The following SULT1A2 variants were observed in gnomAD, a reference collection of about 807,000 sequenced individuals.
SULT1A2 encodes sulfotransferase family 1A member 2.
SULT1A2 carries 33 observed loss-of-function variants against 36.0 expected under a neutral mutation model. The observed-to-expected ratio is 0.92, with a 90% CI of 0.69 to 1.22. The LOEUF (loss-of-function observed/expected upper bound fraction) is 1.22. SULT1A2 is among the 50% of genes most tolerant of loss of function. The pLI is 0.00. For missense variants in SULT1A2, 367 were observed against 383.2 expected (o/e 0.96, Z 0.35); for synonymous variants, 138 against 144.5 (o/e 0.96, Z 0.32).
At position 28,592,358 on chromosome 16, in the gene SULT1A2, G is replaced by C; in HGVS notation, c.680C>G (p.Thr227Arg). 1.2e-6 allele frequency: 2 copies of C among 1,614,034 alleles called. No homozygotes were observed. Among genetic ancestry groups the C allele is most frequent in the Non-Finnish European group, 1.7e-6 (2 of 1,179,890 alleles). The change falls in exon 7 of 8, where the codon ACG (threonine) becomes AGG (arginine). Residue 227 changes from threonine to arginine, a missense_variant. Coordinates refer to ENST00000335715, the MANE Select transcript of SULT1A2 (RefSeq NM_001054.4). ...EETVDLMVEH[T>R]SFKEMKKNPM... ...GTTCTTCTTCATCTCCTTGAACGAC[G>C]TGTGCTCAACCATGAGGTCCACAGT...
chr16:28,592,440 G>C lies in SULT1A2; in HGVS notation c.598C>G (p.Pro200Ala), dbSNP rs2047005524. Residue 200 changes from proline (P) to alanine (A), a missense_variant, in exon 7 of 8, where the codon CCC becomes GCC. Physicochemically the swap from Pro to Ala is conservative, Grantham distance 27. Coordinates refer to ENST00000335715, the MANE Select transcript of SULT1A2 (RefSeq NM_001054.4). ...AGGATCTTTTGAATCTCCCTTTTGG[G>C]GTTCTGAGCAGCAGAGGGCTCCTCA... ...YLFYEDMKEN[P>A]KREIQKILEF... The C allele has an allele frequency of 1.2e-6, 2 of 1,614,056 alleles. No individual in the cohort carries two copies. The highest frequency in any genetic ancestry group is 1.3e-5 in the African/African-American group (1 of 74,912).
Position 28,595,887 on chromosome 16 carries a change from A to C in SULT1A2, c.44T>G (p.Val15Gly). 6.2e-7 allele frequency: 1 copy of C among 1,609,634 alleles called. No homozygotes were observed. Among genetic ancestry groups the C allele is most frequent in the Non-Finnish European group, 8.5e-7 (1 of 1,178,214 alleles). Residue 15 changes from valine to glycine, a missense_variant, in exon 2 of 8, where the codon GTG becomes GGG. Coordinates refer to ENST00000335715, the MANE Select transcript of SULT1A2 (RefSeq NM_001054.4). ...GTACTTGATGAGCGGGACCCCCTTCACGTACTCCAGTGGCGGGCGAGAGAT... is the reference window on the plus strand; with the variant it reads ...GTACTTGATGAGCGGGACCCCCTTCCCGTACTCCAGTGGCGGGCGAGAGAT... ...QDISRPPLEY[V>G]KGVPLIKYFA...
chr16:28,593,518 G>A lies in SULT1A2; in HGVS notation c.423C>T (p.His141=), dbSNP rs1314571848. The change falls in exon 5 of 8, where the codon CAC becomes CAT. Residue 141 remains histidine, a synonymous_variant. Transcript: ENST00000335715. The stretch of plus-strand genomic sequence containing the variant: ...GGTACACTTTGGCCATGTGGTAGAA[G>A]TGGTAGTAGGAAACCGCCACATCCT... ...NAKDVAVSYY[H]FYHMAKVYPH... is the part of the protein sequence containing the mutation. 1 of 1,614,070 alleles carries A rather than the reference G, an allele frequency of 6.2e-7. No homozygotes were observed. Among genetic ancestry groups the A allele is most frequent in the Non-Finnish European group, 8.5e-7 (1 of 1,180,042 alleles).
At chr16:28,592,207 G>A (rs1355331260) in intron 7 of SULT1A2, 56 bp downstream of exon 7, 1 of 1,613,692 alleles carries the variant, frequency 6.2e-7, no homozygotes, top group African/African-American at 1.3e-5. Context: ...TGCCTATGGG[G>A]AGGCTCCAGC....
chr16:28,593,224 TG>T, intron 6 of SULT1A2, 27 bp downstream of exon 6: 1 of 1,612,100 alleles, frequency 6.2e-7, no homozygotes, highest in East Asian at 2.2e-5. Flanking sequence ...AGGTGTCACG[TG>T]GAGGGAAGCA....
At chr16:28,592,208 A>T (rs1172694198) in intron 7 of SULT1A2, 55 bp downstream of exon 7, 6 of 1,613,714 alleles carry the variant, frequency 3.7e-6, no homozygotes, top group Non-Finnish European at 4.2e-6. Flanking sequence ...GCCTATGGGG[A>T]GGCTCCAGCT....
At position 28,595,400 on chromosome 16, in the gene SULT1A2, C is replaced by T. The variant is rs912845439; in HGVS notation, c.339G>A (p.Leu113=). Residue 113 remains leucine, a synonymous_variant, in exon 4 of 8, where the codon CTG becomes CTA. Coordinates refer to ENST00000335715, the MANE Select transcript of SULT1A2 (RefSeq NM_001054.4). Reference sequence around the variant, plus strand: ...TCTGATCCAACAGAGTCTGGGGGAGCAGAGCCAGGGGCAGGTGTGTCTTCA... The same window carrying T: ...TCTGATCCAACAGAGTCTGGGGGAGTAGAGCCAGGGGCAGGTGTGTCTTCA... ...RLLKTHLPLA[L]LPQTLLDQKV... is the part of the protein sequence containing the mutation. 1.2e-6 allele frequency: 2 copies of T among 1,613,944 alleles called. No homozygotes were observed. Among genetic ancestry groups the T allele is most frequent in the African/African-American group, 2.7e-5 (2 of 74,884 alleles).
chr16:28,593,263 C>T lies in SULT1A2; in HGVS notation c.583G>A (p.Asp195Asn), dbSNP rs1355145943. The T allele has an allele frequency of 5.6e-6, 9 of 1,613,694 alleles. No homozygotes were observed. The highest frequency in any genetic ancestry group is 7.6e-6 in the Non-Finnish European group (9 of 1,180,024). ...THPVLYLFYE[D>N]MKENPKREIQ... ...AAAGGCGGTCTCACCTCCTTCATGT[C>T]TTCATAGAAGAGGTAGAGAACAGGG... Residue 195 changes from aspartate to asparagine, a missense_variant, in exon 6 of 8, where the codon GAC becomes AAC. Asp to Asn is a conservative substitution (Grantham distance 23). Transcript: ENST00000335715.
intron 2 of SULT1A2, 47 bp from the exon 3 acceptor site, chr16:28,595,722 A>G (rs916703976): frequency 1.9e-6 from 3 of 1,612,294 alleles, no homozygotes; most frequent in Non-Finnish European, 2.5e-6. Context: ...GGTGAGCATG[A>G]CCTCGCTGGC....
At chr16:28,596,976 C>CCATT in intron 1 of SULT1A2, 21 bp downstream of exon 1, 1 of 1,255,162 alleles carries the variant, frequency 8.0e-7, no homozygotes, top group East Asian at 5.6e-5. Context: ...GCGTCCTGGG[C>CCATT]CATTCCGGTG....
Position 28,592,460 on chromosome 16 carries a change from T to G in SULT1A2, c.595-17A>C. ...TTTGGGGTTCTGAGCAGCAGAGGGC[T>G]CCTCAGTGGAGGCTTGGATTGCTGA... On this transcript the variant is annotated splice_polypyrimidine_tract_variant and intron_variant, in intron 6 of 7. Coordinates refer to ENST00000335715, the MANE Select transcript of SULT1A2 (RefSeq NM_001054.4). 1.9e-6 allele frequency: 3 copies of G among 1,614,130 alleles called. No individual in the cohort carries two copies. The highest frequency in any genetic ancestry group is 2.5e-6 in the Non-Finnish European group (3 of 1,180,026).
intron 6 of SULT1A2, among the ~76,000 whole-genome samples, 156 bp downstream of exon 6, chr16:28,593,095 TG>T (rs2047013717): frequency 6.6e-6 from 1 of 151,944 alleles, no homozygotes; most frequent in South Asian, 2.1e-4. Context: ...TGCTGCCACA[TG>T]GGGCTGCAGT....
At chr16:28,594,841 T>G (rs1388025704) in intron 4 of SULT1A2, among the ~76,000 whole-genome samples, 2 of 138,784 alleles carry the variant, frequency 1.4e-5, no homozygotes, top group Non-Finnish European at 3.0e-5. Context: ...AGTGCAATGG[T>G]GAGGTCTCGG....
chr16:28,593,290 G>A lies in SULT1A2; in HGVS notation c.556C>T (p.His186Tyr), dbSNP rs776077257. The A allele has an allele frequency of 6.2e-7, 1 of 1,614,114 alleles. No individual in the cohort carries two copies. Among genetic ancestry groups the A allele is most frequent in the South Asian group, 1.1e-5 (1 of 91,080 alleles). Residue 186 changes from histidine (H) to tyrosine (Y), a missense_variant, in exon 6 of 8, where the codon CAC (histidine) becomes TAC (tyrosine). Transcript: ENST00000335715. ...VQEWWELSRT[H>Y]PVLYLFYEDM... ...TCATAGAAGAGGTAGAGAACAGGGT[G>A]GGTGCGGCTCAGCTCCCACCACTCT...
intron 7 of SULT1A2, 30 bp downstream of exon 7, chr16:28,592,233 C>T: frequency 6.2e-7 from 1 of 1,613,992 alleles, no homozygotes. Context: ...CTCCCACCTG[C>T]TCCAAACCCC....
In SULT1A2 at chr16:28,596,808, G is replaced by A. The variant is rs571037452; in HGVS notation, c.-5+189C>T. 2.4e-5 allele frequency: 8 copies of A among 335,982 alleles called. No homozygotes were observed. In the East Asian group the frequency reaches 7.3e-4, roughly 31 times the overall value. 20.8% of individuals were successfully genotyped at this position (335,982 alleles called of 1,614,324 possible). ...GATCCCACAGCACTCCAGCCTCGGT[G>A]ACAGCAAGACCTGGCCTCCCCGGAA... is the stretch of plus-strand genomic sequence containing the variant. On this transcript the variant is annotated intron_variant, in intron 1 of 7. Transcript: ENST00000335715.
In SULT1A2 at chr16:28,595,769, C is replaced by G. The variant is rs1415477450; in HGVS notation, c.148+14G>C. ...CTGCCACCTGGGAGAGGGTGGGTGG[C>G]CCTCCTCACCTACCGGACTTGGGGT... On this transcript the variant is annotated intron_variant, in intron 2 of 7. Transcript: ENST00000335715. 22 of 1,612,128 alleles carry G rather than the reference C, an allele frequency of 1.4e-5. No homozygotes were observed. The Admixed American group carries it at 3.7e-4, about 27-fold the overall frequency.
At position 28,593,569 on chromosome 16, in the gene SULT1A2, C is replaced by T. The variant is rs768212845; in HGVS notation, c.373-1G>A. 1 of 1,614,090 alleles carries T rather than the reference C, an allele frequency of 6.2e-7. No homozygotes were observed. The highest frequency in any genetic ancestry group is 1.7e-5 in the Admixed American group (1 of 60,006). On this transcript the variant is annotated splice_acceptor_variant, in intron 4 of 7. Coordinates refer to ENST00000335715, the MANE Select transcript of SULT1A2 (RefSeq NM_001054.4). LOFTEE classifies it high-confidence loss of function. ...TTGCGTTGCGGGCAACATAGACCAC[C>T]TGCAGGGGCAGAAGACTCAACCCCA...
rs763340308 is a variant in SULT1A2 at position 28,592,085 on chromosome 16, A to G, written c.831T>C (p.Asp277=). The G allele has an allele frequency of 1.9e-6, 3 of 1,611,960 alleles. No individual in the cohort carries two copies. The highest frequency in any genetic ancestry group is 2.2e-5 in the East Asian group (1 of 44,890). Residue 277 remains aspartate, a synonymous_variant, in exon 8 of 8, where the codon GAT becomes GAC. Coordinates refer to ENST00000335715, the MANE Select transcript of SULT1A2 (RefSeq NM_001054.4). ...CTGCCATCTTCTTCGCATAGTCCGC[A>G]TCGAAGCGCTCATTCTGCGCCACGG... ...TFTVAQNERF[D]ADYAKKMAGC... is the part of the protein sequence containing the mutation.
Sources: allele counts gnomAD v4.1 joint callset (sites outside exome capture counted in the v4.1 genomes callset), GRCh38; gene constraint gnomAD v4.1.1; transcripts MANE v1.5; gene names NCBI Gene and HGNC (gene_info 2026-07-23, HGNC 2026-07-21).